BICDL1: variants seen among roughly 807,000 people sequenced by gnomAD.
The protein encoded by BICDL1 is BICD family like cargo adaptor 1.
In BICDL1, 20 loss-of-function variants were observed where a neutral mutation model predicts 76.8. That is an observed-to-expected ratio of 0.26 (90% CI 0.18 to 0.38). The LOEUF (loss-of-function observed/expected upper bound fraction) is 0.38, where lower values mean the gene tolerates loss of function less well. Ranked by LOEUF, BICDL1 falls within the 10% of genes least tolerant of loss-of-function variation. The probability of loss-of-function intolerance (pLI) is 1.00; values close to 1 mark genes in which losing one functional copy is unlikely to be tolerated. For synonymous variants in BICDL1, 383 were observed against 337.1 expected, an observed-to-expected ratio of 1.14 and a Z score of -1.49; for missense variants, 700 against 798.6, an observed-to-expected ratio of 0.88 and a Z score of 1.49.
At chr12:120,021,034 A>G (rs1174509560) in intron 2 of BICDL1, among the ~76,000 whole-genome samples, 2 of 152,174 alleles carry the variant, frequency 1.3e-5, no homozygotes, top group African/African-American at 4.8e-5. Context: ...TGTAATCCCA[A>G]CACTTTGGGA....
At chr12:120,049,477 A>G (rs935048580) in intron 2 of BICDL1, among the ~76,000 whole-genome samples, 3 of 152,216 alleles carry the variant, frequency 2.0e-5, no homozygotes, top group Non-Finnish European at 2.9e-5. Context: ...AGGGGAACCA[A>G]GTGTTTTCTC....
At chr12:120,082,341 A>G (rs984299935) in intron 8 of BICDL1, among the ~76,000 whole-genome samples, 6 of 147,164 alleles carry the variant, frequency 4.1e-5, no homozygotes, top group African/African-American at 1.5e-4. Context: ...CAACCTCCCC[A>G]TCATGGTCTT....
rs1875245698 is a variant in BICDL1 at position 120,094,391 on chromosome 12, A to G, written c.*1230A>G. On this transcript the variant is annotated 3_prime_UTR_variant, in exon 10 of 10. Coordinates refer to ENST00000548673, the MANE Select transcript of BICDL1 (RefSeq NM_001367886.1). ...ATGTAAATACATGTATGGATTTTAT[A>G]ATATACATATATAAAAATCTATAAA... 2 of 403,230 alleles carry G rather than the reference A, an allele frequency of 5.0e-6. No homozygotes were observed. The highest frequency in any genetic ancestry group is 1.0e-5 in the Non-Finnish European group (2 of 197,504). 25.0% of individuals were successfully genotyped at this position (403,230 alleles called of 1,614,324 possible).
intron 2 of BICDL1, among the ~76,000 whole-genome samples, chr12:120,054,464 C>T (rs982380214): frequency 1.6e-4 from 24 of 152,238 alleles, no homozygotes; most frequent in African/African-American, 5.1e-4. Context: ...TCTACCACTA[C>T]GCCAGTGACA....
chr12:120,019,631 C>T (rs996736147), intron 2 of BICDL1, among the ~76,000 whole-genome samples: 1 of 151,762 alleles, frequency 6.6e-6, no homozygotes, highest in African/African-American at 2.4e-5. Flanking sequence ...TTTTTGAGAC[C>T]GAGTCTGGGA....
chr12:120,085,999 A>T lies in BICDL1; in HGVS notation c.1584-3952A>T, dbSNP rs1399632895. On this transcript the variant is annotated intron_variant, in intron 8 of 9. Transcript: ENST00000548673. The stretch of plus-strand genomic sequence containing the variant: ...CAAGTTGTCCAGTCTTTCTCCCTTT[A>T]AAAAAAAAAAAAAAAAAAAGTAAAA... 4.3e-5 allele frequency among the ~76,000 whole-genome samples: 3 copies of T among 70,184 alleles called. No individual in the cohort carries two copies. The African/African-American group carries it at 5.2e-4, about 12-fold the overall frequency. The allele number at this position is 70,184 out of a possible 152,430, so 46.0% of individuals were successfully genotyped here.
intron 2 of BICDL1, among the ~76,000 whole-genome samples, chr12:120,045,921 A>ATAATAATAAT (rs1284863409): frequency 2.0e-5 from 3 of 151,516 alleles, no homozygotes; most frequent in African/African-American, 4.9e-5. Context: ...AAGTATTATA[A>ATAATAATAAT]TAATAATAAT....
chr12:120,007,735 G>A (rs1169480089), intron 2 of BICDL1, among the ~76,000 whole-genome samples: 7 of 152,276 alleles, frequency 4.6e-5, no homozygotes, highest in Admixed American at 1.3e-4. Context: ...GCAACTCTGC[G>A]TCTGGTACAC....
chr12:120,076,447 A>G (rs563791080), intron 7 of BICDL1, among the ~76,000 whole-genome samples: 3 of 152,196 alleles, frequency 2.0e-5, no homozygotes, highest in Admixed American at 6.5e-5. Context: ...TTTGTTTCTC[A>G]GAATTATAAA....
intron 4 of BICDL1, among the ~76,000 whole-genome samples, chr12:120,067,616 A>G (rs1251113451): frequency 6.6e-6 from 1 of 152,194 alleles, no homozygotes. Context: ...TGGAGAGTGC[A>G]GACCTCTCCT....
chr12:120,072,496 T>C lies in BICDL1; in HGVS notation c.1090-15T>C. The C allele has an allele frequency of 6.2e-7, 1 of 1,613,218 alleles. No individual in the cohort carries two copies. Among genetic ancestry groups the C allele is most frequent in the East Asian group, 2.2e-5 (1 of 44,860 alleles). On this transcript the variant is annotated splice_polypyrimidine_tract_variant and intron_variant, in intron 5 of 9. Transcript: ENST00000548673. Reference sequence around the variant, plus strand: ...CTCTAGAGTCTGAAATGAATAGTAATTCTCTGTGGAACAGCTGAGACTGCA... The same window carrying C: ...CTCTAGAGTCTGAAATGAATAGTAACTCTCTGTGGAACAGCTGAGACTGCA...
At chr12:120,065,386 C>T (rs1953198570) in intron 4 of BICDL1, among the ~76,000 whole-genome samples, 1 of 152,126 alleles carries the variant, frequency 6.6e-6, no homozygotes, top group African/African-American at 2.4e-5. Flanking sequence ...TAGACTGACC[C>T]CTTTGTGAGC....
intron 6 of BICDL1, among the ~76,000 whole-genome samples, chr12:120,074,012 C>T (rs1044871925): frequency 1.3e-4 from 20 of 152,168 alleles, no homozygotes; most frequent in African/African-American, 2.7e-4. Context: ...CTCTGCCTCC[C>T]GGGTTCACGC....
intron 2 of BICDL1, chr12:120,057,182 G>A (rs1952992353): frequency 2.0e-6 from 1 of 498,352 alleles, no homozygotes; most frequent in Non-Finnish European, 4.0e-6. Flanking sequence ...AGTACTACTA[G>A]GACTTGTAAG....
intron 2 of BICDL1, among the ~76,000 whole-genome samples, chr12:120,010,729 G>C (rs1032007229): frequency 1.3e-5 from 2 of 152,004 alleles, no homozygotes; most frequent in African/African-American, 4.8e-5. Context: ...TTATTTGAGG[G>C]AAAAAGTGTT....
At chr12:120,064,706 C>T in intron 3 of BICDL1, 27 bp from the exon 4 acceptor site, 1 of 1,583,450 alleles carries the variant, frequency 6.3e-7, no homozygotes, top group Non-Finnish European at 8.6e-7. Context: ...AACTCCACAC[C>T]ACCCCTGTGG....
chr12:120,058,297 G>C (rs1051934305), intron 2 of BICDL1, among the ~76,000 whole-genome samples: 1 of 152,218 alleles, frequency 6.6e-6, no homozygotes, highest in African/African-American at 2.4e-5. Context: ...CTGGTAGGAA[G>C]AGACAAATTT....
intron 2 of BICDL1, among the ~76,000 whole-genome samples, chr12:120,060,924 T>A (rs1236768642): frequency 2.0e-5 from 3 of 152,108 alleles, no homozygotes; most frequent in Non-Finnish European, 4.4e-5. Flanking sequence ...CTGACCCCAT[T>A]TGGCCTCAAA....
intron 8 of BICDL1, 65 bp from the exon 9 acceptor site, chr12:120,089,886 C>T: frequency 6.3e-7 from 1 of 1,580,528 alleles, no homozygotes. Context: ...CCAGGTGCCC[C>T]AAGTAAAGAC....
Sources: allele counts gnomAD v4.1 joint callset (sites outside exome capture counted in the v4.1 genomes callset), GRCh38; gene constraint gnomAD v4.1.1; transcripts MANE v1.5; gene names NCBI Gene and HGNC (gene_info 2026-07-23, HGNC 2026-07-21).